JAK1: variants seen among roughly 807,000 people sequenced by gnomAD.
JAK1 encodes the protein Janus kinase 1.
In JAK1, 16 loss-of-function variants were observed where a neutral mutation model predicts 136.6. That is an observed-to-expected ratio of 0.12 (90% confidence interval 0.08 to 0.18). JAK1 has a LOEUF of 0.18. JAK1 is among the 10% of genes least tolerant of loss of function. The pLI, the probability that JAK1 is intolerant of heterozygous loss-of-function variation, is 1.00. For synonymous variants in JAK1, 492 were observed against 519.5 expected, an observed-to-expected ratio of 0.95 and a Z score of 0.72; for missense variants, 859 against 1,450.1, an observed-to-expected ratio of 0.59 and a Z score of 6.62.
intron 8 of JAK1, among the ~76,000 whole-genome samples, chr1:64,861,704 G>C (rs1227867723): frequency 6.6e-6 from 1 of 152,220 alleles, no homozygotes; most frequent in Admixed American, 6.5e-5. Flanking sequence ...CGGCAGGAGG[G>C]AGGTCAGGGG....
chr1:64,995,314 T>C (rs1017582638), intron 2 of JAK1, among the ~76,000 whole-genome samples: 2 of 150,182 alleles, frequency 1.3e-5, no homozygotes, highest in Non-Finnish European at 3.0e-5. Flanking sequence ...GAGATGAGAG[T>C]TGAATGCGAT....
At chr1:64,901,429 T>C (rs1048869978) in intron 1 of JAK1, among the ~76,000 whole-genome samples, 4 of 152,196 alleles carry the variant, frequency 2.6e-5, no homozygotes, top group East Asian at 3.8e-4. Context: ...TTCTTTCTAA[T>C]GGAACACCAT....
At chr1:64,901,984 G>A (rs1645112428) in intron 1 of JAK1, among the ~76,000 whole-genome samples, 1 of 152,096 alleles carries the variant, frequency 6.6e-6, no homozygotes, top group Non-Finnish European at 1.5e-5. Context: ...ATTGTATAGG[G>A]CATTTACGTT....
chr1:64,838,353 A>G, intron 21 of JAK1, 112 bp downstream of exon 21: 5 of 1,170,050 alleles, frequency 4.3e-6, no homozygotes, highest in Non-Finnish European at 6.1e-6. Context: ...GCAGAGAAAA[A>G]CAAACAGTAT....
intron 1 of JAK1, among the ~76,000 whole-genome samples, chr1:64,893,869 A>C (rs745821736): frequency 2.0e-5 from 3 of 152,184 alleles, no homozygotes; most frequent in Admixed American, 6.5e-5. Flanking sequence ...GGTACCCATA[A>C]TTTAAAGGAA....
rs1270952827 is a variant in JAK1, at chr1:64,834,471, CT to C, written c.*90del. 3 of 860,048 alleles carry C rather than the reference CT, an allele frequency of 3.5e-6. No individual in the cohort carries two copies. The highest frequency in any genetic ancestry group is 5.7e-6 in the Non-Finnish European group (3 of 524,434). 53.3% of individuals were successfully genotyped at this position (860,048 alleles called of 1,614,324 possible). A position where few individuals can be genotyped will look rare whatever the true frequency, so the allele number is the denominator to read the frequency against. On this transcript the variant is annotated 3_prime_UTR_variant, in exon 25 of 25. Transcript: ENST00000342505. Reference sequence around the variant, plus strand: ...GACTTTTTGGACAGAACACAAACTTCTTTCATTAGAAATTTTTAAAAAATGA... The same window carrying C: ...GACTTTTTGGACAGAACACAAACTTCTTCATTAGAAATTTTTAAAAAATGA...
rs763829543 is a variant in JAK1, at chr1:64,850,908, T to A, written c.1651A>T (p.Ile551Phe). Residue 551 changes from isoleucine (I) to phenylalanine (F), a missense_variant and splice_region_variant, in exon 12 of 25, where the codon ATC becomes TTC. Ile to Phe is a conservative substitution (Grantham distance 21). Transcript: ENST00000342505. Reference protein sequence around the residue: ...KRCCQPKPREISNLLVATKKA... With the variant: ...KRCCQPKPREFSNLLVATKKA... The stretch of plus-strand genomic sequence containing the variant: ...TTAGTAGCCACCAGCAGGTTGGAGA[T>A]TTCTGTGGAAGAGATTGGGGGAGTC... The A allele has an allele frequency of 1.2e-6, 2 of 1,609,852 alleles. No homozygotes were observed. Among genetic ancestry groups the A allele is most frequent in the Admixed American group, 3.3e-5 (2 of 60,002 alleles).
intron 1 of JAK1, among the ~76,000 whole-genome samples, chr1:64,965,400 T>C (rs1425786255): frequency 1.3e-5 from 2 of 152,164 alleles, no homozygotes; most frequent in Non-Finnish European, 2.9e-5. Flanking sequence ...CAGGAAATCA[T>C]GGAGTGCAAA....
chr1:65,042,597 A>G (rs1473874329), intron 2 of JAK1, among the ~76,000 whole-genome samples: 2 of 152,174 alleles, frequency 1.3e-5, no homozygotes, highest in African/African-American at 4.8e-5. Flanking sequence ...TTTTCTCCTT[A>G]TAACAACCTT....
intron 19 of JAK1, among the ~76,000 whole-genome samples, chr1:64,840,991 G>A (rs1258569570): frequency 6.6e-6 from 1 of 152,176 alleles, no homozygotes; most frequent in Non-Finnish European, 1.5e-5. Flanking sequence ...TCTCAAGGGA[G>A]CTGCCCAGAG....
At position 64,857,706 on chromosome 1, in the gene JAK1, T is replaced by A. The variant is rs1353735131; in HGVS notation, c.1408A>T (p.Thr470Ser). 6.2e-7 allele frequency: 1 copy of A among 1,614,174 alleles called. No homozygotes were observed. Among genetic ancestry groups the A allele is most frequent in the Non-Finnish European group, 8.5e-7 (1 of 1,180,038 alleles). ...GTCATGAGGATGTTGTCAAAGTCGG[T>A]GCAGCTCCACCTCAGCACGTACATC... ...EGMYVLRWSC[T>S]DFDNILMTVT... The change falls in exon 10 of 25, where the codon ACC becomes TCC. Residue 470 changes from threonine (T) to serine (S), a missense_variant. This residue lies in a region of JAK1 where 409 missense variants were observed against 753.8 expected (regional missense o/e 0.54). Coordinates refer to ENST00000342505, the MANE Select transcript of JAK1 (RefSeq NM_002227.4).
At chr1:64,978,341 T>C (rs1180698658) in intron 2 of JAK1, among the ~76,000 whole-genome samples, 2 of 152,142 alleles carry the variant, frequency 1.3e-5, no homozygotes, top group African/African-American at 4.8e-5. Context: ...TCAAAATATC[T>C]GATTTAATTA....
intron 2 of JAK1, among the ~76,000 whole-genome samples, chr1:65,006,774 G>C (rs1035532717): frequency 6.6e-6 from 1 of 152,034 alleles, no homozygotes; most frequent in Non-Finnish European, 1.5e-5. Flanking sequence ...ACTGAATTAC[G>C]CCTTGTATAT....
At chr1:64,835,003 C>T (rs911272890) in intron 24 of JAK1, among the ~76,000 whole-genome samples, 2 of 152,178 alleles carry the variant, frequency 1.3e-5, no homozygotes, top group African/African-American at 4.8e-5. Flanking sequence ...GTGTCTTACA[C>T]AGTCTCAAGA....
intron 2 of JAK1, chr1:64,990,919 C>CAAAAAAAAAAAAAAAAAAAGAA (rs1646649906): frequency 4.5e-5 from 2 of 44,168 alleles, no homozygotes; most frequent in Admixed American, 2.4e-4. Context: ...GACTCCGTCT[C>CAAAAAAAAAAAAAAAAAAAGAA]AAAAAAAAAA....
chr1:64,843,502 T>C (rs1655038646), intron 17 of JAK1, among the ~76,000 whole-genome samples: 1 of 152,180 alleles, frequency 6.6e-6, no homozygotes, highest in South Asian at 2.1e-4. Flanking sequence ...ACCTGATCTG[T>C]CAAATGAGGG....
chr1:64,883,203 G>A, intron 3 of JAK1, 74 bp downstream of exon 3: 1 of 1,271,752 alleles, frequency 7.9e-7, no homozygotes, highest in Non-Finnish European at 1.1e-6. Context: ...GCGCTACAAG[G>A]GGCAGAGACC....
At chr1:64,859,365 C>T (rs1040499536) in intron 9 of JAK1, among the ~76,000 whole-genome samples, 3 of 152,238 alleles carry the variant, frequency 2.0e-5, no homozygotes, top group African/African-American at 7.2e-5. Flanking sequence ...AAGCCAACTA[C>T]AGCTCCATAT....
intron 2 of JAK1, among the ~76,000 whole-genome samples, chr1:64,995,925 G>C (rs1271328078): frequency 6.6e-6 from 1 of 152,098 alleles, no homozygotes; most frequent in East Asian, 1.9e-4. Context: ...TTTTTGTGGA[G>C]ATGAGGTTTT....
Sources: gnomAD v4.1 joint callset for allele counts (sites outside exome capture counted in the v4.1 genomes callset) on GRCh38, gnomAD v4.1.1 for gene constraint, gnomAD v4.1.1 regional missense constraint, MANE v1.5 for transcripts, NCBI Gene and HGNC (gene_info 2026-07-23, HGNC 2026-07-21) for gene names.